Variants in HTR2C observed in about 807,000 individuals in gnomAD.
The protein encoded by HTR2C is 5-hydroxytryptamine receptor 2C.
In HTR2C, 5 loss-of-function variants were observed where a neutral mutation model predicts 21.0. The observed-to-expected ratio is 0.24, with a 90% CI of 0.12 to 0.50. HTR2C has a LOEUF of 0.50. HTR2C is among the 20% of genes least tolerant of loss of function. The pLI is 0.98. For missense variants in HTR2C, 271 were observed against 371.2 expected (o/e 0.73, Z 2.22); for synonymous variants, 150 against 145.3 (o/e 1.03, Z -0.23).
intron 4 of HTR2C, among the ~76,000 whole-genome samples, chrX:114,805,843 CCATATATAT>C (rs1556448915): frequency 3.3e-3 from 28 of 8,506 alleles, no homozygotes; most frequent in Admixed American, 6.1e-3. Context: ...ACCATATATA[CCATATATAT>C]ACCATATATA....
intron 5 of HTR2C, among the ~76,000 whole-genome samples, chrX:114,873,299 G>C (rs1040863789): frequency 2.7e-5 from 3 of 111,025 alleles, no homozygotes; most frequent in Non-Finnish European, 5.7e-5. Flanking sequence ...GTTTTCTTTT[G>C]ATTTTTCTTT....
At chrX:114,697,637 C>A (rs1463166739) in intron 2 of HTR2C, among the ~76,000 whole-genome samples, 1 of 112,251 alleles carries the variant, frequency 8.9e-6, no homozygotes, top group East Asian at 2.8e-4. Flanking sequence ...AAAGGCCAGG[C>A]TTTCACCTGC....
chrX:114,645,523 G>T (rs1437469835), intron 2 of HTR2C, among the ~76,000 whole-genome samples: 1 of 110,829 alleles, frequency 9.0e-6, no homozygotes, highest in Non-Finnish European at 1.9e-5. Context: ...GAAGCAAACT[G>T]CCCCAGTTGA....
chrX:114,639,993 A>C (rs962924874), intron 2 of HTR2C, among the ~76,000 whole-genome samples: 1 of 111,875 alleles, frequency 8.9e-6, no homozygotes, highest in African/African-American at 3.2e-5. Context: ...AACTTTCAAA[A>C]TTGACATTTG....
chrX:114,641,780 G>T (rs900080327), intron 2 of HTR2C, among the ~76,000 whole-genome samples: 4 of 111,206 alleles, frequency 3.6e-5, no homozygotes, highest in African/African-American at 1.3e-4. Context: ...GGATGTGCAG[G>T]TTTGTTACAT....
intron 5 of HTR2C, among the ~76,000 whole-genome samples, chrX:114,858,609 G>A (rs2147499222): frequency 9.0e-6 from 1 of 111,521 alleles, no homozygotes; most frequent in South Asian, 3.7e-4. Flanking sequence ...AATTTTCAGC[G>A]TACCTAGTGG....
chrX:114,603,461 C>T (rs1326471672), intron 1 of HTR2C, among the ~76,000 whole-genome samples: 4 of 107,166 alleles, frequency 3.7e-5, no homozygotes, highest in African/African-American at 1.4e-4. Context: ...GTGGTCCTGG[C>T]TCTTGTGTAA....
At chrX:114,595,996 C>A (rs1927828100) in intron 1 of HTR2C, among the ~76,000 whole-genome samples, 1 of 111,310 alleles carries the variant, frequency 9.0e-6, no homozygotes, top group Non-Finnish European at 1.9e-5. Flanking sequence ...TAGCCCTATC[C>A]CTTTCACATT....
chrX:114,712,727 C>T (rs1359907990), intron 2 of HTR2C, among the ~76,000 whole-genome samples: 6 of 111,600 alleles, frequency 5.4e-5, no homozygotes, highest in Non-Finnish European at 9.4e-5. Flanking sequence ...AGGGATGGTA[C>T]TGATCCAAAG....
chrX:114,813,623 G>A (rs1461517582), intron 4 of HTR2C, among the ~76,000 whole-genome samples: 2 of 111,440 alleles, frequency 1.8e-5, no homozygotes, highest in Non-Finnish European at 3.8e-5. Flanking sequence ...TAGCAAGGAC[G>A]CTGTAACAGC....
At position 114,906,627 on chromosome X, in the gene HTR2C, G is replaced by A. The variant is rs868980082; in HGVS notation, c.589G>A (p.Glu197Lys). The change falls in exon 6 of 6, where the codon GAA becomes AAA. Residue 197 changes from glutamate (E) to lysine (K), a missense_variant. By Grantham distance (56) the Glu-to-Lys change is moderately conservative. Transcript: ENST00000276198. ...TATCCCTGTGATTGGACTGAGGGAC[G>A]AAGAAAAGGTGTTCGTGAACAACAC... ...VPIPVIGLRD[E>K]EKVFVNNTTC... 8.3e-7 allele frequency: 1 copy of A among 1,208,730 alleles called. No homozygotes were observed. The highest frequency in any genetic ancestry group is 1.1e-6 in the Non-Finnish European group (1 of 893,808).
intron 2 of HTR2C, among the ~76,000 whole-genome samples, chrX:114,615,399 A>G (rs1194122197): frequency 8.9e-6 from 1 of 112,111 alleles, no homozygotes; most frequent in African/African-American, 3.2e-5. Context: ...GGACGTTCAA[A>G]AAGTATAAAA....
intron 4 of HTR2C, among the ~76,000 whole-genome samples, chrX:114,767,929 A>G (rs1237753799): frequency 2.7e-5 from 3 of 109,747 alleles, no homozygotes; most frequent in African/African-American, 9.8e-5. Context: ...TGTTCTGTTG[A>G]AGGGCAACTG....
intron 5 of HTR2C, among the ~76,000 whole-genome samples, chrX:114,879,919 G>A (rs2071167519): frequency 9.0e-6 from 1 of 110,690 alleles, no homozygotes; most frequent in African/African-American, 3.3e-5. Context: ...TTTCATTAGA[G>A]TAGTTAGTTA....
intron 2 of HTR2C, among the ~76,000 whole-genome samples, chrX:114,670,057 G>A (rs1236435850): frequency 2.7e-5 from 3 of 111,353 alleles, no homozygotes; most frequent in Non-Finnish European, 5.6e-5. Context: ...TGGCCAACAT[G>A]GTGAAACCCT....
At chrX:114,766,135 G>C (rs2069945844) in intron 4 of HTR2C, among the ~76,000 whole-genome samples, 1 of 111,613 alleles carries the variant, frequency 9.0e-6, no homozygotes, top group Non-Finnish European at 1.9e-5. Context: ...ATAAGAGCTT[G>C]AACTAGATTT....
chrX:114,798,737 A>T (rs1485747923), intron 4 of HTR2C, among the ~76,000 whole-genome samples: 1 of 46,265 alleles, frequency 2.2e-5, no homozygotes, highest in Admixed American at 4.1e-4. Flanking sequence ...ACATAAAAAT[A>T]CTACTTAACC....
At chrX:114,834,567 C>T (rs2070762213) in intron 4 of HTR2C, among the ~76,000 whole-genome samples, 1 of 108,882 alleles carries the variant, frequency 9.2e-6, no homozygotes, top group South Asian at 4.1e-4. Context: ...GGTAGATCTT[C>T]CTCCATCCTT....
intron 2 of HTR2C, among the ~76,000 whole-genome samples, chrX:114,685,090 T>C (rs1019686589): frequency 7.2e-5 from 8 of 111,587 alleles, no homozygotes; most frequent in Non-Finnish European, 1.5e-4. Context: ...TTGATGGATA[T>C]TTGTTTTCTA....
Sources: gnomAD v4.1 joint callset for allele counts (sites outside exome capture counted in the v4.1 genomes callset) on GRCh38, gnomAD v4.1.1 for gene constraint, MANE v1.5 for transcripts, NCBI Gene and HGNC (gene_info 2026-07-23, HGNC 2026-07-21) for gene names.